The following SYK variants were observed in gnomAD, a reference collection of about 807,000 sequenced individuals.
SYK encodes tyrosine-protein kinase SYK.
A neutral mutation model predicts 77.8 loss-of-function variants in SYK; 16 were observed. That is an observed-to-expected ratio of 0.21 (90% confidence interval 0.14 to 0.31). The LOEUF (loss-of-function observed/expected upper bound fraction) is 0.31. SYK is among the 10% of genes least tolerant of loss of function. SYK has a pLI of 1.00. For synonymous variants in SYK, 312 were observed against 308.7 expected (o/e 1.01, Z -0.11); for missense variants, 529 against 814.4 (o/e 0.65, Z 4.26).
chr9:90,805,117 C>T (rs966934021), intron 1 of SYK, among the ~76,000 whole-genome samples: 1 of 152,206 alleles, frequency 6.6e-6, no homozygotes, highest in Non-Finnish European at 1.5e-5. Flanking sequence ...ATCCAAATGG[C>T]TCCCTTGATT....
intron 9 of SYK, among the ~76,000 whole-genome samples, chr9:90,875,221 A>G (rs1227129624): frequency 6.6e-6 from 1 of 151,192 alleles, no homozygotes. Flanking sequence ...CAACATAGCA[A>G]GACCCTGTCT....
At chr9:90,870,956 G>A (rs1222061778) in intron 7 of SYK, among the ~76,000 whole-genome samples, 5 of 152,208 alleles carry the variant, frequency 3.3e-5, no homozygotes, top group Admixed American at 2.0e-4. Flanking sequence ...AGGAAACTCT[G>A]AATGGACCTA....
chr9:90,867,314 G>C, intron 7 of SYK, 115 bp downstream of exon 7: 1 of 1,071,958 alleles, frequency 9.3e-7, no homozygotes, highest in South Asian at 1.3e-5. Context: ...TTGCCACTCT[G>C]CTTCCAGGCC....
chr9:90,888,586 A>C lies in SYK; in HGVS notation c.1794A>C (p.Pro598=). 1 of 1,611,516 alleles carries C rather than the reference A, an allele frequency of 6.2e-7. No homozygotes were observed. The change falls in exon 13 of 14, where the codon CCA becomes CCC. Residue 598 remains proline, a synonymous_variant. Coordinates refer to ENST00000375754, the MANE Select transcript of SYK (RefSeq NM_003177.7). ...GGATGGGGTGCCCTGCAGGGTGTCC[A>C]AGAGAGATGTACGATCTCATGAATC... is the stretch of plus-strand genomic sequence containing the variant. ...GERMGCPAGC[P]REMYDLMNLC...
At position 90,879,490 on chromosome 9, in the gene SYK, T is replaced by A. The variant is rs1205277755; in HGVS notation, c.1581+537T>A. 4.6e-5 allele frequency among the ~76,000 whole-genome samples: 7 copies of A among 152,228 alleles called. No homozygotes were observed. The South Asian group carries it at 1.2e-3, about 27-fold the overall frequency. ...CCAGTACTGCAGTTCAGAGCTCCAA[T>A]ATTGCAGCTTGGAGCTATTCCAAAA... On this transcript the variant is annotated intron_variant, in intron 11 of 13. Coordinates refer to ENST00000375754, the MANE Select transcript of SYK (RefSeq NM_003177.7).
chr9:90,882,757 C>G (rs999711587), intron 11 of SYK, among the ~76,000 whole-genome samples: 1 of 152,124 alleles, frequency 6.6e-6, no homozygotes, highest in Non-Finnish European at 1.5e-5. Context: ...TAAGAGAGAA[C>G]ACAGATGCAA....
chr9:90,825,965 A>C (rs1825653880), intron 1 of SYK, among the ~76,000 whole-genome samples: 1 of 152,156 alleles, frequency 6.6e-6, no homozygotes, highest in Non-Finnish European at 1.5e-5. Context: ...CTAGAGCTTC[A>C]CCCCAGAGTT....
intron 1 of SYK, among the ~76,000 whole-genome samples, chr9:90,835,356 G>T (rs916262292): frequency 1.4e-4 from 22 of 152,330 alleles, no homozygotes; most frequent in African/African-American, 5.1e-4. Flanking sequence ...TGGACAGCTG[G>T]ACACGGGCCC....
intron 13 of SYK, among the ~76,000 whole-genome samples, chr9:90,889,002 T>C (rs1828686867): frequency 6.6e-6 from 1 of 152,194 alleles, no homozygotes; most frequent in African/African-American, 2.4e-5. Context: ...TATACTTTCC[T>C]GACTCCCTGA....
chr9:90,824,108 G>A (rs1462726400), intron 1 of SYK, among the ~76,000 whole-genome samples: 2 of 152,100 alleles, frequency 1.3e-5, no homozygotes, highest in Admixed American at 1.3e-4. Context: ...GATAAAGGAA[G>A]ATCATGAACA....
chr9:90,878,044 A>G (rs1828012510), intron 10 of SYK, among the ~76,000 whole-genome samples: 1 of 152,192 alleles, frequency 6.6e-6, no homozygotes, highest in Non-Finnish European at 1.5e-5. Context: ...GTCTTGGCCT[A>G]GTGATAGACT....
intron 3 of SYK, among the ~76,000 whole-genome samples, chr9:90,858,530 G>A (rs1337995570): frequency 6.6e-6 from 1 of 152,270 alleles, no homozygotes; most frequent in Non-Finnish European, 1.5e-5. Context: ...AGCCTTGCCT[G>A]TGTGCACGCC....
intron 1 of SYK, among the ~76,000 whole-genome samples, chr9:90,809,622 T>C (rs1245675888): frequency 6.6e-6 from 1 of 152,192 alleles, no homozygotes; most frequent in East Asian, 1.9e-4. Flanking sequence ...CAATAGGAAT[T>C]AGACACAATC....
At chr9:90,880,746 G>T (rs1264265260) in intron 11 of SYK, among the ~76,000 whole-genome samples, 1 of 152,248 alleles carries the variant, frequency 6.6e-6, no homozygotes, top group African/African-American at 2.4e-5. Context: ...GGCCAGGTAG[G>T]CAGGGTTCAG....
intron 7 of SYK, among the ~76,000 whole-genome samples, chr9:90,867,594 G>A (rs1345422725): frequency 6.6e-6 from 1 of 152,210 alleles, no homozygotes; most frequent in Non-Finnish European, 1.5e-5. Flanking sequence ...TGTAAGTTAC[G>A]TTGTGATGGA....
At position 90,896,674 on chromosome 9, in the gene SYK, T is replaced by C. The variant is rs893851024; in HGVS notation, c.*1074T>C. 2.2e-5 allele frequency: 5 copies of C among 232,104 alleles called. No individual in the cohort carries two copies. Among genetic ancestry groups the C allele is most frequent in the African/African-American group, 4.4e-5 (2 of 45,260 alleles). The allele number at this position is 232,104 out of a possible 1,614,324, so 14.4% of individuals were successfully genotyped here. A position where few individuals can be genotyped will look rare whatever the true frequency, so the allele number is the denominator to read the frequency against. On this transcript the variant is annotated 3_prime_UTR_variant, in exon 14 of 14. Transcript: ENST00000375754. ...TGAAGATACAAGATCGGAGAATGAT[T>C]TTCTGGTCTTAACTAATCCTCATCT...
chr9:90,862,292 A>G lies in SYK; in HGVS notation c.665A>G (p.Lys222Arg). Residue 222 changes from lysine to arginine, a missense_variant, in exon 4 of 14, where the codon AAG becomes AGG. By Grantham distance (26) the Lys-to-Arg change is conservative (BLOSUM62 2). This residue lies in a region of SYK where 321 missense variants were observed against 433.1 expected (regional missense o/e 0.74). Transcript: ENST00000375754. Reference protein sequence around the residue: ...KVLHYRIDKDKTGKLSIPEGK... With the variant: ...KVLHYRIDKDRTGKLSIPEGK... ...CTGCACTATCGCATCGACAAAGACA[A>G]GACAGGGAAGCTCTCCATCCCCGAG... 6.2e-7 allele frequency: 1 copy of G among 1,614,154 alleles called. No individual in the cohort carries two copies. The highest frequency in any genetic ancestry group is 8.5e-7 in the Non-Finnish European group (1 of 1,179,994).
rs61230677 is a variant in SYK at position 90,856,551 on chromosome 9, AT to A, written c.579-5647del. On this transcript the variant is annotated intron_variant, in intron 3 of 13. Coordinates refer to ENST00000375754, the MANE Select transcript of SYK (RefSeq NM_003177.7). Reference sequence around the variant, plus strand: ...AATCTGCTCTTACGCTCATTCACTGATTTTTTTTAATTACATTTTTTAGAAA... The same window carrying A: ...AATCTGCTCTTACGCTCATTCACTGATTTTTTTAATTACATTTTTTAGAAA... Among the ~76,000 whole-genome samples the A allele has an allele frequency of 8.8e-4, 133 of 151,396 alleles. 1 individual carries two copies. Among genetic ancestry groups the A allele is most frequent in the African/African-American group, 2.7e-3 (110 of 41,246 alleles).
At chr9:90,825,173 C>G (rs950222942) in intron 1 of SYK, among the ~76,000 whole-genome samples, 1 of 147,494 alleles carries the variant, frequency 6.8e-6, no homozygotes, top group African/African-American at 2.5e-5. Flanking sequence ...AAAATATGTA[C>G]AGGATCTGTA....
Sources: gnomAD v4.1 joint callset for allele counts (sites outside exome capture counted in the v4.1 genomes callset) on GRCh38, gnomAD v4.1.1 for gene constraint, gnomAD v4.1.1 regional missense constraint, MANE v1.5 for transcripts, NCBI Gene and HGNC (gene_info 2026-07-23, HGNC 2026-07-21) for gene names.